KDM4C: variants seen among roughly 807,000 people sequenced by gnomAD.
KDM4C encodes lysine demethylase 4C, also known as lysine-specific demethylase 4C.
A neutral mutation model predicts 129.3 loss-of-function variants in KDM4C; 81 were observed. That is an observed-to-expected ratio of 0.63 (90% confidence interval 0.52 to 0.75). The LOEUF (loss-of-function observed/expected upper bound fraction) is 0.75. Ranked by LOEUF, KDM4C falls within the 30% of genes least tolerant of loss-of-function variation. The probability of loss-of-function intolerance (pLI) is 0.00; values close to 1 mark genes in which losing one functional copy is unlikely to be tolerated. For synonymous variants in KDM4C, 573 were observed against 456.1 expected (o/e 1.26, Z -3.26); for missense variants, 1,457 against 1,304.0 (o/e 1.12, Z -1.81).
intron 2 of KDM4C, among the ~76,000 whole-genome samples, chr9:6,801,361 G>A (rs1392417609): frequency 1.4e-5 from 2 of 146,880 alleles, no homozygotes; most frequent in Non-Finnish European, 3.0e-5. Flanking sequence ...AGCCTCCAGA[G>A]TAGCTGGGAC....
chr9:7,064,873 A>T (rs752814617), intron 17 of KDM4C, among the ~76,000 whole-genome samples: 1 of 152,218 alleles, frequency 6.6e-6, no homozygotes, highest in African/African-American at 2.4e-5. Flanking sequence ...TTGGCCAGTG[A>T]TGATAATGTA....
At chr9:6,763,704 A>G (rs1820048087) in intron 1 of KDM4C, among the ~76,000 whole-genome samples, 1 of 152,202 alleles carries the variant, frequency 6.6e-6, no homozygotes, top group African/African-American at 2.4e-5. Context: ...GAAACAGGAG[A>G]AGATAGAGGA....
chr9:6,929,781 T>C (rs1007021334), intron 8 of KDM4C, among the ~76,000 whole-genome samples: 7 of 152,272 alleles, frequency 4.6e-5, no homozygotes, highest in Admixed American at 3.9e-4. Flanking sequence ...GGTGCCAAAA[T>C]AGAATATTAA....
intron 19 of KDM4C, among the ~76,000 whole-genome samples, chr9:7,147,430 A>G (rs983699361): frequency 6.6e-6 from 1 of 152,266 alleles, no homozygotes; most frequent in East Asian, 1.9e-4. Context: ...TGGAACTGAC[A>G]TGTATTTTTA....
intron 15 of KDM4C, among the ~76,000 whole-genome samples, chr9:7,038,384 A>G (rs1828005041): frequency 6.6e-6 from 1 of 152,054 alleles, no homozygotes; most frequent in Admixed American, 6.6e-5. Flanking sequence ...ATCTGGTGTT[A>G]TGGCTTGCTG....
chr9:6,769,425 C>G (rs1173126296), intron 1 of KDM4C, among the ~76,000 whole-genome samples: 1 of 151,956 alleles, frequency 6.6e-6, no homozygotes, highest in East Asian at 1.9e-4. Flanking sequence ...GTCCGGGATA[C>G]AAAACTTGGA....
intron 8 of KDM4C, among the ~76,000 whole-genome samples, chr9:6,970,300 A>G (rs967859565): frequency 2.0e-5 from 3 of 152,214 alleles, no homozygotes; most frequent in African/African-American, 7.2e-5. Context: ...ATGAACATTG[A>G]AAACTTTTTA....
At chr9:7,107,627 G>A (rs1029742486) in intron 18 of KDM4C, among the ~76,000 whole-genome samples, 3 of 152,192 alleles carry the variant, frequency 2.0e-5, no homozygotes, top group South Asian at 2.1e-4. Context: ...GAGGTACATA[G>A]TGTTTTTTCT....
chr9:7,131,999 T>C (rs1462464488), intron 19 of KDM4C, among the ~76,000 whole-genome samples: 1 of 152,182 alleles, frequency 6.6e-6, no homozygotes, highest in Non-Finnish European at 1.5e-5. Context: ...GGAAGAATTA[T>C]TCATCAAATT....
chr9:6,853,492 C>T (rs918222232), intron 5 of KDM4C, among the ~76,000 whole-genome samples: 1 of 151,826 alleles, frequency 6.6e-6, no homozygotes, highest in South Asian at 2.1e-4. Context: ...GACACTGTCT[C>T]AAAGAATAAA....
chr9:7,042,993 T>C (rs1445878119), intron 15 of KDM4C, among the ~76,000 whole-genome samples: 1 of 152,072 alleles, frequency 6.6e-6, no homozygotes, highest in Non-Finnish European at 1.5e-5. Context: ...TCTATAGTTG[T>C]GCAAAGTCTA....
intron 18 of KDM4C, among the ~76,000 whole-genome samples, chr9:7,115,331 TA>T (rs1416768007): frequency 6.6e-6 from 1 of 152,150 alleles, no homozygotes; most frequent in African/African-American, 2.4e-5. Context: ...TGTACTTTTT[TA>T]AAAAAATAAT....
At chr9:6,954,481 C>G (rs186820027) in intron 8 of KDM4C, among the ~76,000 whole-genome samples, 3 of 152,168 alleles carry the variant, frequency 2.0e-5, no homozygotes, top group Non-Finnish European at 4.4e-5. Context: ...CTACTCTTGA[C>G]AAGTCTCAGA....
intron 8 of KDM4C, among the ~76,000 whole-genome samples, chr9:6,919,543 CTGT>C (rs1242048208): frequency 2.7e-5 from 2 of 74,644 alleles, no homozygotes; most frequent in African/African-American, 4.0e-5. Context: ...GTCTGTCTGT[CTGT>C]CTATCTATCT....
intron 8 of KDM4C, among the ~76,000 whole-genome samples, chr9:6,971,716 G>T (rs752320182): frequency 6.6e-6 from 1 of 152,184 alleles, no homozygotes; most frequent in Non-Finnish European, 1.5e-5. Flanking sequence ...AATTAAGGCA[G>T]ACTTCCCCCA....
intron 8 of KDM4C, among the ~76,000 whole-genome samples, chr9:6,923,374 T>A (rs1821905363): frequency 6.6e-6 from 1 of 152,202 alleles, no homozygotes; most frequent in South Asian, 2.1e-4. Context: ...TTTTTTCCTT[T>A]GAGATACTTC....
At chr9:7,127,475 CAT>C (rs1237476624) in intron 18 of KDM4C, among the ~76,000 whole-genome samples, 1 of 152,122 alleles carries the variant, frequency 6.6e-6, no homozygotes. Flanking sequence ...ACTTAAGACA[CAT>C]GCTTTATTAA....
chr9:6,894,781 C>G (rs1305382769), intron 8 of KDM4C, among the ~76,000 whole-genome samples: 1 of 152,192 alleles, frequency 6.6e-6, no homozygotes, highest in African/African-American at 2.4e-5. Flanking sequence ...CAGAGCCCAT[C>G]ACAGTTGTGG....
intron 19 of KDM4C, among the ~76,000 whole-genome samples, chr9:7,157,069 A>T (rs1377614830): frequency 6.6e-6 from 1 of 152,102 alleles, no homozygotes; most frequent in Non-Finnish European, 1.5e-5. Context: ...GGTCCTTCAC[A>T]TCCCTTGTAA....
Sources: gnomAD v4.1 joint callset for allele counts (sites outside exome capture counted in the v4.1 genomes callset) on GRCh38, gnomAD v4.1.1 for gene constraint, MANE v1.5 for transcripts, NCBI Gene and HGNC (gene_info 2026-07-23, HGNC 2026-07-21) for gene names.